The following CFAP299 variants were observed in gnomAD, a reference collection of about 807,000 sequenced individuals.
The protein encoded by CFAP299 is cilia- and flagella-associated protein 299.
A neutral mutation model predicts 27.0 loss-of-function variants in CFAP299; 21 were observed. The ratio of observed to expected loss-of-function variants is 0.78; its 90% CI spans 0.55 to 1.12. The LOEUF (loss-of-function observed/expected upper bound fraction) is 1.12, where lower values mean the gene tolerates loss of function less well. Ranked by LOEUF, CFAP299 falls within the 50% of genes most tolerant of loss-of-function variation. The probability of loss-of-function intolerance (pLI) is 0.00; values close to 1 mark genes in which losing one functional copy is unlikely to be tolerated. For synonymous variants in CFAP299, 104 were observed against 98.1 expected (o/e 1.06, Z -0.36); for missense variants, 310 against 276.6 (o/e 1.12, Z -0.86).
chr4:80,545,256 C>T (rs1277731343), intron 2 of CFAP299, among the ~76,000 whole-genome samples: 1 of 151,974 alleles, frequency 6.6e-6, no homozygotes, highest in African/African-American at 2.4e-5. Flanking sequence ...TTGGAAAGAT[C>T]TCAAATTAAC....
At chr4:80,626,834 A>T (rs886689054) in intron 3 of CFAP299, among the ~76,000 whole-genome samples, 1 of 151,884 alleles carries the variant, frequency 6.6e-6, no homozygotes, top group Non-Finnish European at 1.5e-5. Flanking sequence ...ACCAGTAAAA[A>T]GATTGAATCA....
intron 2 of CFAP299, among the ~76,000 whole-genome samples, chr4:80,523,298 G>C (rs769498336): frequency 2.6e-5 from 4 of 152,076 alleles, no homozygotes; most frequent in Non-Finnish European, 5.9e-5. Context: ...TGTTGCTGCT[G>C]TATAGAAACA....
chr4:80,938,423 G>A (rs758582159), intron 4 of CFAP299, among the ~76,000 whole-genome samples: 25 of 152,214 alleles, frequency 1.6e-4, no homozygotes, highest in Admixed American at 5.2e-4. Flanking sequence ...TTAAAGACAT[G>A]ATCCTGCTGC....
At chr4:80,915,249 C>T (rs1169975384) in intron 4 of CFAP299, among the ~76,000 whole-genome samples, 2 of 151,882 alleles carry the variant, frequency 1.3e-5, no homozygotes, top group Non-Finnish European at 2.9e-5. Flanking sequence ...AAGATACTTT[C>T]AGTGGGTATA....
chr4:80,692,009 G>A (rs903580019), intron 3 of CFAP299, among the ~76,000 whole-genome samples: 2 of 152,022 alleles, frequency 1.3e-5, no homozygotes, highest in African/African-American at 2.4e-5. Context: ...ACCTCTTCAA[G>A]GAGAACTACA....
At chr4:80,488,682 T>C (rs1475932023) in intron 2 of CFAP299, among the ~76,000 whole-genome samples, 4 of 152,188 alleles carry the variant, frequency 2.6e-5, no homozygotes, top group Non-Finnish European at 4.4e-5. Context: ...TTCACCGTGT[T>C]AGCCAGGATG....
intron 3 of CFAP299, among the ~76,000 whole-genome samples, chr4:80,813,381 G>T (rs1362177630): frequency 3.9e-5 from 6 of 152,018 alleles, no homozygotes; most frequent in Admixed American, 3.9e-4. Context: ...TTTTTCTGGA[G>T]TTTAGAAGTG....
chr4:80,626,948 T>A (rs958873368), intron 3 of CFAP299, among the ~76,000 whole-genome samples: 1 of 151,708 alleles, frequency 6.6e-6, no homozygotes. Flanking sequence ...GCTTAACTCT[T>A]CCAAAAAATT....
chr4:80,717,281 A>G (rs935502183), intron 3 of CFAP299, among the ~76,000 whole-genome samples: 3 of 152,078 alleles, frequency 2.0e-5, no homozygotes, highest in African/African-American at 7.2e-5. Context: ...TCCCTTTGTA[A>G]GTGAGCATGT....
chr4:80,865,744 A>T lies in CFAP299; in HGVS notation c.334-4249A>T, dbSNP rs144332593. Among the ~76,000 whole-genome samples, 559 of 152,132 alleles carry T rather than the reference A, an allele frequency of 3.7e-3. 3 individuals carry two copies. The highest frequency in any genetic ancestry group is 0.013 in the African/African-American group (544 of 41,518). On this transcript the variant is annotated intron_variant, in intron 3 of 5. Transcript: ENST00000358105. ...CCATGGAATACTATGCAGCCATAAAAAATGATGAGTTCGTGTCCTTTGTAG... is the reference window on the plus strand; with the variant it reads ...CCATGGAATACTATGCAGCCATAAATAATGATGAGTTCGTGTCCTTTGTAG...
At chr4:80,941,400 G>T (rs74336872) in intron 4 of CFAP299, among the ~76,000 whole-genome samples, 5,819 of 152,144 alleles carry the variant, frequency 0.038, 220 homozygotes, top group African/African-American at 0.097. Context: ...GAACATGTTT[G>T]ATTTTGTAGA....
chr4:80,463,766 G>T lies in CFAP299; in HGVS notation c.242+100882G>T, dbSNP rs376544836. 7.2e-5 allele frequency among the ~76,000 whole-genome samples: 11 copies of T among 152,176 alleles called. No individual in the cohort carries two copies. The East Asian group carries it at 9.7e-4, about 13-fold the overall frequency. On this transcript the variant is annotated intron_variant, in intron 2 of 5. Transcript: ENST00000358105. ...CTAAATAAGGTCACATTGGTGGTTAGAGCTTCAACCTATGAATTTTGGGGC... is the reference window on the plus strand; with the variant it reads ...CTAAATAAGGTCACATTGGTGGTTATAGCTTCAACCTATGAATTTTGGGGC...
intron 3 of CFAP299, among the ~76,000 whole-genome samples, chr4:80,787,847 C>T (rs184506550): frequency 1.3e-5 from 2 of 151,994 alleles, no homozygotes; most frequent in African/African-American, 4.8e-5. Context: ...ATCCATTCTG[C>T]CTGAAAAAAA....
chr4:80,473,484 C>T (rs1024957232), intron 2 of CFAP299, among the ~76,000 whole-genome samples: 8 of 151,590 alleles, frequency 5.3e-5, no homozygotes, highest in East Asian at 1.9e-4. Flanking sequence ...TTTAGGGAGA[C>T]GAGCTCTCCC....
intron 3 of CFAP299, among the ~76,000 whole-genome samples, chr4:80,670,854 A>C (rs1482330857): frequency 6.6e-6 from 1 of 152,052 alleles, no homozygotes; most frequent in East Asian, 1.9e-4. Context: ...TCTTCTTGTA[A>C]ATTTGTTTAT....
intron 2 of CFAP299, among the ~76,000 whole-genome samples, chr4:80,490,314 A>G (rs775682994): frequency 7.9e-5 from 12 of 152,216 alleles, no homozygotes; most frequent in Non-Finnish European, 1.5e-4. Flanking sequence ...AAAAAAATGT[A>G]TGTCACCAAA....
intron 2 of CFAP299, among the ~76,000 whole-genome samples, chr4:80,552,694 G>A (rs978384268): frequency 6.6e-6 from 1 of 152,022 alleles, no homozygotes; most frequent in South Asian, 2.1e-4. Flanking sequence ...AGTAGTTTGG[G>A]GTTTCTTTTC....
intron 3 of CFAP299, among the ~76,000 whole-genome samples, chr4:80,672,598 C>A (rs1222069590): frequency 6.6e-6 from 1 of 152,106 alleles, no homozygotes; most frequent in Non-Finnish European, 1.5e-5. Flanking sequence ...CCTATTTGTA[C>A]CTCTGGTAGA....
intron 3 of CFAP299, among the ~76,000 whole-genome samples, chr4:80,752,822 T>C (rs1039536644): frequency 2.6e-5 from 4 of 152,094 alleles, no homozygotes; most frequent in Admixed American, 6.5e-5. Flanking sequence ...ACACTAGGTT[T>C]TAAAATATAA....
Sources: allele counts gnomAD v4.1 joint callset (sites outside exome capture counted in the v4.1 genomes callset), GRCh38; gene constraint gnomAD v4.1.1; transcripts MANE v1.5; gene names NCBI Gene and HGNC (gene_info 2026-07-23, HGNC 2026-07-21).